DHCR7: variants seen among roughly 807,000 people sequenced by gnomAD.
DHCR7 encodes the protein 7-DHC reductase.
In DHCR7, 40 loss-of-function variants were observed where a neutral mutation model predicts 43.3. The ratio of observed to expected loss-of-function variants is 0.92; its 90% CI spans 0.72 to 1.20. DHCR7 has a LOEUF of 1.20. DHCR7 is among the 50% of genes most tolerant of loss of function. The probability of loss-of-function intolerance (pLI) is 0.00; values close to 1 mark genes in which losing one functional copy is unlikely to be tolerated. For missense variants in DHCR7, 608 were observed against 644.6 expected, an observed-to-expected ratio of 0.94 and a Z score of 0.62; for synonymous variants, 298 against 271.4, an observed-to-expected ratio of 1.10 and a Z score of -0.96.
chr11:71,439,153 G>T, intron 6 of DHCR7, 70 bp from the exon 7 acceptor site: 3 of 1,464,696 alleles, frequency 2.0e-6, no homozygotes, highest in Non-Finnish European at 2.8e-6. Context: ...ACCTTACTTA[G>T]CGAGAGCCCA....
chr11:71,446,572 G>A lies in DHCR7; in HGVS notation c.-7+1038C>T, dbSNP rs1949406052. Among the ~76,000 whole-genome samples, 3 of 152,318 alleles carry A rather than the reference G, an allele frequency of 2.0e-5. No homozygotes were observed. In the South Asian group the frequency reaches 6.2e-4, roughly 32 times the overall value. Reference sequence around the variant, plus strand: ...CTGGCAAGCAAGACTGTCGGATGTGGGATGTGGTAGAGAGTATTTCTTCTG... The same window carrying A: ...CTGGCAAGCAAGACTGTCGGATGTGAGATGTGGTAGAGAGTATTTCTTCTG... On this transcript the variant is annotated intron_variant, in intron 2 of 8. Transcript: ENST00000355527.
intron 5 of DHCR7, 26 bp from the exon 6 acceptor site, chr11:71,441,466 A>G: frequency 1.9e-6 from 3 of 1,583,196 alleles, no homozygotes; most frequent in Non-Finnish European, 2.6e-6. Context: ...TCAGAAATGA[A>G]GGCGCTTTCC....
At chr11:71,441,120 A>G in intron 6 of DHCR7, 107 bp downstream of exon 6, 3 of 1,032,590 alleles carry the variant, frequency 2.9e-6, no homozygotes, top group Non-Finnish European at 4.5e-6. Flanking sequence ...TCTTCCACGG[A>G]TTCTCAGTGC....
intron 2 of DHCR7, among the ~76,000 whole-genome samples, chr11:71,446,648 T>C (rs1377150836): frequency 3.3e-5 from 5 of 152,246 alleles, no homozygotes; most frequent in African/African-American, 1.2e-4. Flanking sequence ...ATTACTTTAA[T>C]AAAAATTCAC....
At chr11:71,446,068 G>A (rs867738501) in intron 2 of DHCR7, among the ~76,000 whole-genome samples, 5 of 152,210 alleles carry the variant, frequency 3.3e-5, no homozygotes, top group Non-Finnish European at 5.9e-5. Context: ...AGTCCCAAGA[G>A]GACAGCTATG....
chr11:71,437,167 C>A (rs1157601692), intron 8 of DHCR7, among the ~76,000 whole-genome samples: 1 of 152,228 alleles, frequency 6.6e-6, no homozygotes, highest in Non-Finnish European at 1.5e-5. Flanking sequence ...ACAGGTGATG[C>A]CGGGCCTGTC....
chr11:71,428,278 A>C (rs574709460), exon 3 of DHCR7: 3 of 152,388 alleles, frequency 2.0e-5, no homozygotes, highest in African/African-American at 7.2e-5. Flanking sequence ...CCAATATCTC[A>C]TCATTAAATA....
chr11:71,438,492 T>C (rs1252820325), intron 7 of DHCR7, among the ~76,000 whole-genome samples: 1 of 152,134 alleles, frequency 6.6e-6, no homozygotes, highest in Non-Finnish European at 1.5e-5. Flanking sequence ...CTGGTCAGGA[T>C]GCGGGATGTT....
At chr11:71,443,767 G>C (rs978891613) in intron 4 of DHCR7, among the ~76,000 whole-genome samples, 1 of 152,140 alleles carries the variant, frequency 6.6e-6, no homozygotes, top group African/African-American at 2.4e-5. Context: ...CTGCATGCAG[G>C]CATGCCGTGA....
intron 4 of DHCR7, 74 bp from the exon 5 acceptor site, chr11:71,442,427 G>T (rs2135945754): frequency 2.0e-6 from 2 of 1,022,288 alleles, no homozygotes; most frequent in South Asian, 2.6e-5. Flanking sequence ...GCAGGAACAT[G>T]AGAATCACAA....
Position 71,435,580 on chromosome 11 carries a change from T to C in DHCR7, c.1223A>G (p.Tyr408Cys), listed in dbSNP as rs1219026826. The C allele has an allele frequency of 1.2e-6, 2 of 1,611,264 alleles. No individual in the cohort carries two copies. Among genetic ancestry groups the C allele is most frequent in the African/African-American group, 1.3e-5 (1 of 74,926 alleles). ...CAGGCTGCCCATCAGGTCGCCGACG[T>C]AGTTGAAGTGGCGGGCCACGCCCCA... ...GFWGVARHFN[Y>C]VGDLMGSLAY... Residue 408 changes from tyrosine to cysteine, a missense_variant, in exon 9 of 9, where the codon TAC (tyrosine) becomes TGC (cysteine). Transcript: ENST00000355527.
At chr11:71,433,373 A>G (rs1949240397), downstream of DHCR7, among the ~76,000 whole-genome samples, 1 of 152,236 alleles carries the variant, frequency 6.6e-6, no homozygotes, top group African/African-American at 2.4e-5. Context: ...CCTGGGCCAC[A>G]GCCTTGCACC....
In DHCR7 at chr11:71,439,102, A is replaced by T; in HGVS notation, c.627-19T>A. ...GAATTTGCTTAAAAATATAAATAAA[A>T]GATACATTTAGTGGATGAGCATATC... On this transcript the variant is annotated intron_variant, in intron 6 of 8. Coordinates refer to ENST00000355527, the MANE Select transcript of DHCR7 (RefSeq NM_001360.3). 6.2e-7 allele frequency: 1 copy of T among 1,605,744 alleles called. No individual in the cohort carries two copies. The highest frequency in any genetic ancestry group is 8.5e-7 in the Non-Finnish European group (1 of 1,174,430).
At chr11:71,433,712 C>G (rs1367766937), downstream of DHCR7, among the ~76,000 whole-genome samples, 1 of 152,232 alleles carries the variant, frequency 6.6e-6, no homozygotes, top group Non-Finnish European at 1.5e-5. Context: ...GACCACACCC[C>G]AGCCTCTGTG....
downstream of DHCR7, among the ~76,000 whole-genome samples, chr11:71,430,719 G>A (rs1036076303): frequency 6.6e-6 from 1 of 152,254 alleles, no homozygotes. Flanking sequence ...GCTCTAAGTG[G>A]AGAGGGGAGC....
exon 3 of DHCR7, chr11:71,428,251 T>C (rs1184357125): frequency 6.6e-6 from 1 of 152,248 alleles, no homozygotes; most frequent in East Asian, 1.9e-4. Flanking sequence ...ATGTTCTTGA[T>C]CTTATGATGA....
At chr11:71,430,353 C>T (rs560642732), downstream of DHCR7, among the ~76,000 whole-genome samples, 23 of 152,326 alleles carry the variant, frequency 1.5e-4, no homozygotes, top group East Asian at 1.7e-3. Context: ...GGGATCCGGC[C>T]GGCCATTCCA....
chr11:71,442,066 A>G (rs1158324670), intron 5 of DHCR7, among the ~76,000 whole-genome samples, 197 bp downstream of exon 5: 1 of 152,184 alleles, frequency 6.6e-6, no homozygotes, highest in Non-Finnish European at 1.5e-5. Context: ...TTACCCAGGA[A>G]AGTGATTTCT....
intron 8 of DHCR7, 48 bp downstream of exon 8, chr11:71,437,764 A>G (rs1383373677): frequency 1.7e-5 from 28 of 1,612,274 alleles, no homozygotes; most frequent in Non-Finnish European, 2.3e-5. Context: ...AAAGCTTAGC[A>G]TGTGTCTGCC....
Sources: allele counts gnomAD v4.1 joint callset (sites outside exome capture counted in the v4.1 genomes callset), GRCh38; gene constraint gnomAD v4.1.1; transcripts MANE v1.5; gene names NCBI Gene and HGNC (gene_info 2026-07-23, HGNC 2026-07-21).